Variants in ANKS6 observed in about 807,000 individuals in gnomAD.
ANKS6 encodes ankyrin repeat and SAM domain-containing protein 6.
A neutral mutation model predicts 77.9 loss-of-function variants in ANKS6; 47 were observed. That is an observed-to-expected ratio of 0.60 (90% confidence interval 0.48 to 0.77). The LOEUF (loss-of-function observed/expected upper bound fraction) is 0.77. Among genes scored for constraint, ANKS6 ranks in the 30% least tolerant of loss-of-function variants. The pLI is 0.00. For missense variants in ANKS6, 1,150 were observed against 1,159.1 expected, an observed-to-expected ratio of 0.99 and a Z score of 0.11; for synonymous variants, 488 against 501.7, an observed-to-expected ratio of 0.97 and a Z score of 0.37.
intron 8 of ANKS6, among the ~76,000 whole-genome samples, chr9:98,775,033 G>A (rs1026707451): frequency 4.6e-5 from 7 of 152,216 alleles, no homozygotes; most frequent in African/African-American, 1.2e-4. Flanking sequence ...GTACACCTCC[G>A]GGGTTCCCAG....
In ANKS6 at chr9:98,734,654, A is replaced by AAGG. The variant is rs1831389919; in HGVS notation, c.*1864_*1865insCCT. 1 of 945,900 alleles carries AAGG rather than the reference A, an allele frequency of 1.1e-6. No homozygotes were observed. The highest frequency in any genetic ancestry group is 1.3e-6 in the Non-Finnish European group (1 of 794,136). The allele number at this position is 945,900 out of a possible 1,614,324, so 58.6% of individuals were successfully genotyped here. ...AGATCTGCTCCTTCTGGGCTGTTTA[A>AAGG]CTGGCAAGCTGCTTCCCTCTCCTAA... On this transcript the variant is annotated 3_prime_UTR_variant, in exon 15 of 15. Transcript: ENST00000353234.
chr9:98,794,878 A>G (rs1318066340), intron 1 of ANKS6, among the ~76,000 whole-genome samples: 1 of 152,116 alleles, frequency 6.6e-6, no homozygotes, highest in Non-Finnish European at 1.5e-5. Context: ...TGGGCCTTCT[A>G]AATCACAATC....
rs1008233799 is a variant in ANKS6, at chr9:98,742,816, T to G, written c.2511+2743A>C. On this transcript the variant is annotated intron_variant, in intron 14 of 14. Coordinates refer to ENST00000353234, the MANE Select transcript of ANKS6 (RefSeq NM_173551.5). ...CTGATGGGGCCTGTTTAGTATAGGATGCAGACTGTCGCAGAAGAGGGAATG... is the reference window on the plus strand; with the variant it reads ...CTGATGGGGCCTGTTTAGTATAGGAGGCAGACTGTCGCAGAAGAGGGAATG... 3.6e-5 allele frequency among the ~76,000 whole-genome samples: 4 copies of G among 109,616 alleles called. No homozygotes were observed. The East Asian group carries it at 1.3e-3, about 35-fold the overall frequency. The allele number at this position is 109,616 out of a possible 152,430, so 71.9% of individuals were successfully genotyped here.
chr9:98,746,745 G>A (rs781416665), intron 13 of ANKS6, among the ~76,000 whole-genome samples: 1 of 152,144 alleles, frequency 6.6e-6, no homozygotes, highest in African/African-American at 2.4e-5. Flanking sequence ...TTTTCCTGAG[G>A]GCAGTAGCCC....
rs200743968 is a variant in ANKS6, at chr9:98,778,260, T to C, written c.1533A>G (p.Ala511=). The change falls in exon 7 of 15, where the codon GCA becomes GCG. Residue 511 remains alanine (A), a synonymous_variant. Coordinates refer to ENST00000353234, the MANE Select transcript of ANKS6 (RefSeq NM_173551.5). Reference sequence around the variant, plus strand: ...TGGTCACAGGGGCCGCATCAGGGAGTGCAGAGCGGCTTGTCTTGTCCTGGG... The same window carrying C: ...TGGTCACAGGGGCCGCATCAGGGAGCGCAGAGCGGCTTGTCTTGTCCTGGG... ...AAPQDKTSRS[A]LPDAAPVTKD... is the part of the protein sequence containing the mutation. The C allele has an allele frequency of 3.7e-6, 6 of 1,614,070 alleles. No homozygotes were observed. The highest frequency in any genetic ancestry group is 5.1e-6 in the Non-Finnish European group (6 of 1,180,018).
rs1467759995 is a variant in ANKS6 at position 98,791,202 on chromosome 9, T to G, written c.360-596A>C. On this transcript the variant is annotated intron_variant, in intron 1 of 14. Transcript: ENST00000353234. The surrounding 1 kb of genome is among the most constrained non-coding windows in gnomAD (Gnocchi z 4.3). ...GGAATCTGTCTCTCTGCCTGTGCTC[T>G]AATTTCCCCACAGGCAGAGCCCATG... Among the ~76,000 whole-genome samples, 1 of 152,284 alleles carries G rather than the reference T, an allele frequency of 6.6e-6. No individual in the cohort carries two copies. Among genetic ancestry groups the G allele is most frequent in the Admixed American group, 6.5e-5 (1 of 15,292 alleles).
rs762633578 is a variant in ANKS6, at chr9:98,782,521, G to C, written c.1165C>G (p.Arg389Gly). The part of the protein sequence containing the change: ...LLNQGADVTL[R>G]AKNGYTAFDL... ...AAGGCCGTGTATCCATTTTTTGCAC[G>C]AAGAGTGACATCGGCCCCTTGGTTT... Residue 389 changes from arginine (R) to glycine (G), a missense_variant, in exon 5 of 15, where the codon CGT becomes GGT. Physicochemically the swap from Arg to Gly is moderately radical, Grantham distance 125. Coordinates refer to ENST00000353234, the MANE Select transcript of ANKS6 (RefSeq NM_173551.5). The C allele has an allele frequency of 6.2e-7, 1 of 1,614,104 alleles. No homozygotes were observed. The highest frequency in any genetic ancestry group is 1.7e-5 in the Admixed American group (1 of 60,026).
Position 98,736,514 on chromosome 9 carries a change from G to A in ANKS6, c.*5C>T. On this transcript the variant is annotated 3_prime_UTR_variant, in exon 15 of 15. Transcript: ENST00000353234. ...AGCTCACGCTGGTGGCTGCGGGAAG[G>A]AGGATCACGCACAGGGGCTGTTGCC... The A allele has an allele frequency of 6.2e-7, 1 of 1,604,612 alleles. No individual in the cohort carries two copies. The highest frequency in any genetic ancestry group is 8.5e-7 in the Non-Finnish European group (1 of 1,173,542).
At position 98,743,274 on chromosome 9, in the gene ANKS6, G is replaced by A. The variant is rs951883270; in HGVS notation, c.2511+2285C>T. Among the ~76,000 whole-genome samples, 88 of 69,580 alleles carry A rather than the reference G, an allele frequency of 1.3e-3. No homozygotes were observed. In the East Asian group the frequency reaches 0.017, roughly 14 times the overall value. 45.6% of individuals were successfully genotyped at this position (69,580 alleles called of 152,430 possible). On this transcript the variant is annotated intron_variant, in intron 14 of 14. Coordinates refer to ENST00000353234, the MANE Select transcript of ANKS6 (RefSeq NM_173551.5). ...AACGCCTGGGCCACAGCCCTCCCCCGCCCCACCATCACTCACCCACCTCCC... is the reference window on the plus strand; with the variant it reads ...AACGCCTGGGCCACAGCCCTCCCCCACCCCACCATCACTCACCCACCTCCC...
chr9:98,746,787 A>T (rs1277141308), intron 13 of ANKS6, among the ~76,000 whole-genome samples: 1 of 152,146 alleles, frequency 6.6e-6, no homozygotes, highest in Non-Finnish European at 1.5e-5. Context: ...TTCCCTAAGC[A>T]TTAAGGGATT....
chr9:98,763,192 T>C (rs1833104497), intron 11 of ANKS6, among the ~76,000 whole-genome samples: 1 of 150,632 alleles, frequency 6.6e-6, no homozygotes, highest in African/African-American at 2.4e-5. Context: ...AACAACAGAA[T>C]GCACTTTCTT....
In ANKS6 at chr9:98,736,502, G is replaced by T. The variant is rs373305795; in HGVS notation, c.*17C>A. On this transcript the variant is annotated 3_prime_UTR_variant, in exon 15 of 15. Transcript: ENST00000353234. ...CGGGATTCAGAGAGCTCACGCTGGT[G>T]GCTGCGGGAAGGAGGATCACGCACA... 63 of 1,598,052 alleles carry T rather than the reference G, an allele frequency of 3.9e-5. No homozygotes were observed. In the East Asian group the frequency reaches 4.3e-4, roughly 11 times the overall value.
chr9:98,774,163 C>T, intron 8 of ANKS6, 83 bp from the exon 9 acceptor site: 1 of 1,253,280 alleles, frequency 8.0e-7, no homozygotes, highest in Non-Finnish European at 1.0e-6. Flanking sequence ...TTTCCTGCTT[C>T]TTGGGGCATG....
At chr9:98,779,912 T>C (rs1294789995) in intron 6 of ANKS6, among the ~76,000 whole-genome samples, 2 of 152,182 alleles carry the variant, frequency 1.3e-5, no homozygotes, top group East Asian at 3.9e-4. Flanking sequence ...TCCGCCCGTC[T>C]TGGCCTCTCA....
At chr9:98,763,781 A>C (rs896174982) in intron 11 of ANKS6, among the ~76,000 whole-genome samples, 1 of 152,140 alleles carries the variant, frequency 6.6e-6, no homozygotes, top group Non-Finnish European at 1.5e-5. Flanking sequence ...TAGAGGAATG[A>C]AAAAGGAGAC....
chr9:98,737,803 T>C (rs1037108204), intron 14 of ANKS6, among the ~76,000 whole-genome samples: 3 of 152,164 alleles, frequency 2.0e-5, no homozygotes, highest in African/African-American at 7.2e-5. Flanking sequence ...AGAACAAATG[T>C]GGAGGCATCA....
At position 98,746,677 on chromosome 9, in the gene ANKS6, G is replaced by A. The variant is rs149678752; in HGVS notation, c.2395-1002C>T. 1.0e-3 allele frequency among the ~76,000 whole-genome samples: 154 copies of A among 151,062 alleles called. 1 individual carries two copies. Among genetic ancestry groups the A allele is most frequent in the Admixed American group, 1.8e-3 (27 of 15,130 alleles). ...GGCAGAGGGCTCCAGCATCCTCGCC[G>A]TTCTCCACAATGCCACATCACCCTT... On this transcript the variant is annotated intron_variant, in intron 13 of 14. Transcript: ENST00000353234.
At chr9:98,758,500 C>T (rs1177566900) in intron 11 of ANKS6, among the ~76,000 whole-genome samples, 1 of 152,146 alleles carries the variant, frequency 6.6e-6, no homozygotes, top group African/African-American at 2.4e-5. Context: ...AATCTGGGTA[C>T]TAGGTTGCTC....
At chr9:98,783,023 C>A (rs1834360241) in intron 4 of ANKS6, among the ~76,000 whole-genome samples, 1 of 150,982 alleles carries the variant, frequency 6.6e-6, no homozygotes, top group Non-Finnish European at 1.5e-5. Context: ...GAGGTCAAGG[C>A]AGCAGTGAGC....
Sources: allele counts gnomAD v4.1 joint callset (sites outside exome capture counted in the v4.1 genomes callset), GRCh38; gene constraint gnomAD v4.1.1; non-coding constraint Gnocchi (gnomAD v3.1); transcripts MANE v1.5; gene names NCBI Gene and HGNC (gene_info 2026-07-23, HGNC 2026-07-21).